Variants in MKLN1 observed in about 807,000 individuals in gnomAD.
MKLN1 encodes muskelin.
A neutral mutation model predicts 99.0 loss-of-function variants in MKLN1; 18 were observed. The observed-to-expected ratio is 0.18, with a 90% CI of 0.13 to 0.27. The LOEUF (loss-of-function observed/expected upper bound fraction) is 0.27, where lower values mean the gene tolerates loss of function less well. Ranked by LOEUF, MKLN1 falls within the 10% of genes least tolerant of loss-of-function variation. The pLI, the probability that MKLN1 is intolerant of heterozygous loss-of-function variation, is 1.00. For synonymous variants in MKLN1, 288 were observed against 293.2 expected, an observed-to-expected ratio of 0.98 and a Z score of 0.18; for missense variants, 621 against 875.9, an observed-to-expected ratio of 0.71 and a Z score of 3.67.
chr7:131,165,825 G>A (rs1291833280), intron 2 of MKLN1, among the ~76,000 whole-genome samples: 6 of 152,122 alleles, frequency 3.9e-5, no homozygotes, highest in South Asian at 2.1e-4. Context: ...GTTAGAAAAC[G>A]GTTATGGGGC....
chr7:131,382,855 C>G (rs1793893277), intron 2 of MKLN1, among the ~76,000 whole-genome samples: 1 of 152,230 alleles, frequency 6.6e-6, no homozygotes, highest in South Asian at 2.1e-4. Flanking sequence ...TCCCGAGTAG[C>G]TGGGACTACA....
intron 2 of MKLN1, among the ~76,000 whole-genome samples, chr7:131,171,025 T>C (rs1377500494): frequency 6.6e-6 from 1 of 152,130 alleles, no homozygotes; most frequent in East Asian, 1.9e-4. Context: ...CCCTCAAAGA[T>C]TTTACATGTC....
chr7:131,279,778 G>A (rs34990159), intron 3 of MKLN1, among the ~76,000 whole-genome samples: 70,153 of 152,074 alleles, frequency 0.46, 19,449 homozygotes, highest in Admixed American at 0.63. Flanking sequence ...CTGCATTCCA[G>A]CCTAGGTGAC....
At chr7:131,131,051 C>CCAAAAAAAA in intron 1 of MKLN1, among the ~76,000 whole-genome samples, 1 of 65,326 alleles carries the variant, frequency 1.5e-5, no homozygotes, top group Non-Finnish European at 2.7e-5. Context: ...GACCCTGTCT[C>CCAAAAAAAA]AAAAAAAAAA....
At chr7:131,294,942 G>A (rs1484617442) in intron 3 of MKLN1, among the ~76,000 whole-genome samples, 1 of 152,154 alleles carries the variant, frequency 6.6e-6, no homozygotes, top group African/African-American at 2.4e-5. Flanking sequence ...AGGCTAGCAG[G>A]TCACCCAGAG....
At chr7:131,472,699 C>T (rs1174602276) in intron 16 of MKLN1, among the ~76,000 whole-genome samples, 1 of 151,892 alleles carries the variant, frequency 6.6e-6, no homozygotes, top group Non-Finnish European at 1.5e-5. Context: ...GCCTGTAATC[C>T]CAGCACTTTG....
chr7:131,382,891 T>A (rs1341132179), intron 2 of MKLN1, among the ~76,000 whole-genome samples: 1 of 151,782 alleles, frequency 6.6e-6, no homozygotes, highest in Admixed American at 6.6e-5. Flanking sequence ...GCCCGGCTAA[T>A]TTTTTGTATT....
chr7:131,473,226 T>C (rs1264634394), intron 16 of MKLN1, among the ~76,000 whole-genome samples: 2 of 151,626 alleles, frequency 1.3e-5, no homozygotes, highest in Admixed American at 1.3e-4. Context: ...AGGAAATCAT[T>C]CCACTCATTG....
intron 2 of MKLN1, among the ~76,000 whole-genome samples, chr7:131,188,553 A>C (rs2116376429): frequency 6.6e-6 from 1 of 152,342 alleles, no homozygotes; most frequent in African/African-American, 2.4e-5. Flanking sequence ...TAGCCCTGGC[A>C]GGTTTCAGAG....
chr7:131,161,969 A>G (rs1421702804), intron 2 of MKLN1, among the ~76,000 whole-genome samples: 1,421 of 23,840 alleles, frequency 0.06, 11 homozygotes, highest in Middle Eastern at 0.067. Flanking sequence ...GTGTGTATAT[A>G]TATATATATA....
intron 1 of MKLN1, among the ~76,000 whole-genome samples, chr7:131,346,837 T>C (rs1470731603): frequency 6.6e-6 from 1 of 152,214 alleles, no homozygotes; most frequent in Non-Finnish European, 1.5e-5. Flanking sequence ...TTTTCTATAA[T>C]TACATATACA....
intron 1 of MKLN1, among the ~76,000 whole-genome samples, chr7:131,371,898 A>G (rs935569964): frequency 1.3e-5 from 2 of 151,886 alleles, no homozygotes; most frequent in Non-Finnish European, 2.9e-5. Flanking sequence ...AAATTATGTT[A>G]CCATCGAATT....
chr7:131,328,473 G>T (rs1403969485), intron 1 of MKLN1, among the ~76,000 whole-genome samples: 1 of 152,192 alleles, frequency 6.6e-6, no homozygotes. Flanking sequence ...CCAGAGTGGG[G>T]TCATTAAAAG....
intron 3 of MKLN1, among the ~76,000 whole-genome samples, chr7:131,226,258 T>C (rs1797145756): frequency 6.6e-6 from 1 of 152,324 alleles, no homozygotes; most frequent in African/African-American, 2.4e-5. Flanking sequence ...GGTTAAAGTT[T>C]AAATAGATGG....
At chr7:131,309,268 G>A (rs544233184) in intron 3 of MKLN1, among the ~76,000 whole-genome samples, 1 of 152,258 alleles carries the variant, frequency 6.6e-6, no homozygotes, top group East Asian at 1.9e-4. Context: ...TCTTACCATT[G>A]TTGACCTAAA....
chr7:131,333,995 G>A (rs912697495), intron 1 of MKLN1, among the ~76,000 whole-genome samples: 8 of 152,170 alleles, frequency 5.3e-5, no homozygotes, highest in Non-Finnish European at 7.3e-5. Flanking sequence ...AGACAGGTCC[G>A]TAGAGATGTC....
At chr7:131,316,562 G>C (rs539087404) in intron 3 of MKLN1, among the ~76,000 whole-genome samples, 1 of 152,088 alleles carries the variant, frequency 6.6e-6, no homozygotes, top group Non-Finnish European at 1.5e-5. Flanking sequence ...CCAAATGATC[G>C]CAACTCCTCT....
At chr7:131,179,569 A>ATTATTATTG (rs1796349458) in intron 2 of MKLN1, among the ~76,000 whole-genome samples, 1 of 151,408 alleles carries the variant, frequency 6.6e-6, no homozygotes, top group South Asian at 2.1e-4. Flanking sequence ...TATTATTATT[A>ATTATTATTG]TTATTATTTT....
At chr7:131,153,243 T>C (rs1795915426) in intron 2 of MKLN1, among the ~76,000 whole-genome samples, 2 of 152,146 alleles carry the variant, frequency 1.3e-5, no homozygotes, top group African/African-American at 2.4e-5. Context: ...TAAGTAACTT[T>C]TGTTTTCTCT....
Sources: allele counts gnomAD v4.1 joint callset (sites outside exome capture counted in the v4.1 genomes callset), GRCh38; gene constraint gnomAD v4.1.1; transcripts MANE v1.5; gene names NCBI Gene and HGNC (gene_info 2026-07-23, HGNC 2026-07-21).